Variants in NRG3 observed in about 807,000 individuals in gnomAD.
NRG3 encodes the protein neuregulin 3, also known as pro-neuregulin-3, membrane-bound isoform.
In NRG3, 31 loss-of-function variants were observed where a neutral mutation model predicts 66.9. The observed-to-expected ratio is 0.46, with a 90% CI of 0.35 to 0.63. The LOEUF (loss-of-function observed/expected upper bound fraction) is 0.63, where lower values mean the gene tolerates loss of function less well. Ranked by LOEUF, NRG3 falls within the 20% of genes least tolerant of loss-of-function variation. The pLI is 0.00. For missense variants in NRG3, 910 were observed against 878.9 expected, an observed-to-expected ratio of 1.04 and a Z score of -0.45; for synonymous variants, 393 against 359.4, an observed-to-expected ratio of 1.09 and a Z score of -1.06.
chr10:81,942,920 A>C (rs1848522751), intron 1 of NRG3, among the ~76,000 whole-genome samples: 1 of 152,218 alleles, frequency 6.6e-6, no homozygotes, highest in African/African-American at 2.4e-5. Flanking sequence ...CATTAATATT[A>C]ATCACATTAG....
chr10:82,396,405 C>T (rs1308314897), intron 2 of NRG3, among the ~76,000 whole-genome samples: 1 of 152,196 alleles, frequency 6.6e-6, no homozygotes, highest in African/African-American at 2.4e-5. Flanking sequence ...AATTCCACTT[C>T]CAGATTTATT....
chr10:82,305,582 TTTAA>T (rs1415832889), intron 1 of NRG3, among the ~76,000 whole-genome samples: 17 of 152,162 alleles, frequency 1.1e-4, no homozygotes, highest in Admixed American at 9.8e-4. Flanking sequence ...TTAATAGCTT[TTTAA>T]TTTTTTTCTT....
intron 2 of NRG3, among the ~76,000 whole-genome samples, chr10:82,416,879 C>G (rs2088621738): frequency 6.6e-6 from 1 of 152,100 alleles, no homozygotes. Context: ...CCTTAGATTT[C>G]TCATGTCTAG....
chr10:82,270,511 C>T (rs1049519883), intron 1 of NRG3, among the ~76,000 whole-genome samples: 1 of 152,028 alleles, frequency 6.6e-6, no homozygotes, highest in Admixed American at 6.6e-5. Flanking sequence ...GTAAATGTAC[C>T]TCTTTGCTTT....
At chr10:82,427,218 A>G (rs892461757) in intron 2 of NRG3, among the ~76,000 whole-genome samples, 7 of 152,166 alleles carry the variant, frequency 4.6e-5, no homozygotes, top group African/African-American at 1.2e-4. Context: ...CTATACTGCA[A>G]TGTTGAATAT....
intron 2 of NRG3, among the ~76,000 whole-genome samples, chr10:82,597,167 G>A (rs1026512608): frequency 6.6e-6 from 1 of 152,172 alleles, no homozygotes; most frequent in Non-Finnish European, 1.5e-5. Flanking sequence ...GAACCAGCTG[G>A]AAATGTATAC....
At chr10:82,442,327 C>A (rs1342340280) in intron 2 of NRG3, among the ~76,000 whole-genome samples, 1 of 152,120 alleles carries the variant, frequency 6.6e-6, no homozygotes, top group African/African-American at 2.4e-5. Context: ...TCAGTCATGC[C>A]AGTAAACATA....
intron 2 of NRG3, among the ~76,000 whole-genome samples, chr10:82,572,046 T>A (rs2045768472): frequency 6.6e-6 from 1 of 151,710 alleles, no homozygotes; most frequent in South Asian, 2.1e-4. Flanking sequence ...GTCATGTTTT[T>A]TACAAAAATA....
intron 1 of NRG3, among the ~76,000 whole-genome samples, chr10:82,291,668 A>G (rs1366234464): frequency 6.6e-6 from 1 of 152,220 alleles, no homozygotes; most frequent in African/African-American, 2.4e-5. Context: ...ATTTGCCCAC[A>G]TGATTTTTGA....
intron 2 of NRG3, among the ~76,000 whole-genome samples, chr10:82,725,119 T>C (rs2057525365): frequency 6.6e-6 from 1 of 152,186 alleles, no homozygotes; most frequent in Non-Finnish European, 1.5e-5. Context: ...TCAAATTCAA[T>C]AGCATGTAAG....
intron 1 of NRG3, among the ~76,000 whole-genome samples, chr10:82,272,275 C>T (rs1400181782): frequency 1.3e-5 from 2 of 151,878 alleles, no homozygotes; most frequent in Non-Finnish European, 2.9e-5. Flanking sequence ...GCAAGTGATC[C>T]AACTGGCATA....
At chr10:82,766,965 A>T (rs17100777) in intron 3 of NRG3, among the ~76,000 whole-genome samples, 3,229 of 150,350 alleles carry the variant, frequency 0.021, 121 homozygotes, top group African/African-American at 0.074. Context: ...TACGAAGACT[A>T]ATCACCTTAA....
chr10:82,232,741 G>C, intron 1 of NRG3: 1 of 717,198 alleles, frequency 1.4e-6, no homozygotes, highest in East Asian at 2.7e-5. Flanking sequence ...TCTACTCACA[G>C]GTCCTAGAGA....
chr10:82,685,933 A>G (rs550643680), intron 2 of NRG3, among the ~76,000 whole-genome samples: 38 of 152,302 alleles, frequency 2.5e-4, no homozygotes, highest in Middle Eastern at 6.8e-3. Flanking sequence ...TTCAGGGACA[A>G]TAACACACAT....
chr10:82,954,618 C>T (rs148915129), intron 5 of NRG3, among the ~76,000 whole-genome samples: 13 of 151,892 alleles, frequency 8.6e-5, no homozygotes, highest in African/African-American at 3.2e-4. Context: ...TATTTTCCAC[C>T]TGAAATTGGA....
chr10:82,849,340 G>T (rs1404713626), intron 3 of NRG3, among the ~76,000 whole-genome samples: 1 of 152,134 alleles, frequency 6.6e-6, no homozygotes, highest in Non-Finnish European at 1.5e-5. Flanking sequence ...CTTGATTTCA[G>T]ACTTCCACCT....
intron 1 of NRG3, among the ~76,000 whole-genome samples, chr10:82,335,072 C>T (rs1350140502): frequency 3.9e-5 from 6 of 152,214 alleles, no homozygotes; most frequent in Non-Finnish European, 8.8e-5. Flanking sequence ...TGCCAACAAT[C>T]AGCCCACTGT....
intron 3 of NRG3, among the ~76,000 whole-genome samples, chr10:82,815,969 C>G (rs1302694976): frequency 6.6e-6 from 1 of 152,146 alleles, no homozygotes; most frequent in East Asian, 1.9e-4. Flanking sequence ...GGCTGGACCA[C>G]ATGTGGTACA....
At chr10:82,162,020 C>T (rs761027129) in intron 1 of NRG3, among the ~76,000 whole-genome samples, 8 of 152,016 alleles carry the variant, frequency 5.3e-5, no homozygotes, top group Admixed American at 3.3e-4. Flanking sequence ...AATGACTTGC[C>T]GGAAGCTTAT....
Sources: gnomAD v4.1 joint callset for allele counts (sites outside exome capture counted in the v4.1 genomes callset) on GRCh38, gnomAD v4.1.1 for gene constraint, MANE v1.5 for transcripts, NCBI Gene and HGNC (gene_info 2026-07-23, HGNC 2026-07-21) for gene names.